The following MFSD8 variants were observed in gnomAD, a reference collection of about 807,000 sequenced individuals.
MFSD8 encodes major facilitator superfamily domain-containing protein 8.
A neutral mutation model predicts 66.4 loss-of-function variants in MFSD8; 55 were observed. The observed-to-expected ratio is 0.83, with a 90% confidence interval of 0.67 to 1.04. MFSD8 has a LOEUF of 1.04. Ranked by LOEUF, MFSD8 falls within the 50% of genes least tolerant of loss-of-function variation. MFSD8 has a pLI of 0.00. For synonymous variants in MFSD8, 202 were observed against 212.8 expected, an observed-to-expected ratio of 0.95 and a Z score of 0.44; for missense variants, 550 against 627.6, an observed-to-expected ratio of 0.88 and a Z score of 1.32.
At chr4:127,949,755 G>C (rs748792053) in intron 3 of MFSD8, 49 bp downstream of exon 3, 5 of 1,496,082 alleles carry the variant, frequency 3.3e-6, no homozygotes, top group Non-Finnish European at 3.7e-6. Flanking sequence ...CTACGTAAGA[G>C]TTACTACTAC....
chr4:127,943,725 C>T (rs530308987), intron 4 of MFSD8, 27 bp downstream of exon 4: 2 of 1,613,826 alleles, frequency 1.2e-6, no homozygotes, highest in East Asian at 2.2e-5. Flanking sequence ...GAATATGACA[C>T]AACCAAACAT....
At chr4:127,956,811 TC>T (rs1742962339) in intron 2 of MFSD8, among the ~76,000 whole-genome samples, 2 of 121,976 alleles carry the variant, frequency 1.6e-5, no homozygotes, top group African/African-American at 6.5e-5. Context: ...AGAGTGAAAC[TC>T]CGTCTCAAAA....
chr4:127,950,621 C>T (rs369729631), intron 2 of MFSD8, among the ~76,000 whole-genome samples: 2 of 151,798 alleles, frequency 1.3e-5, no homozygotes, highest in African/African-American at 2.4e-5. Flanking sequence ...ACCCAGGAGG[C>T]GGAGTAGGTT....
chr4:127,959,086 G>A (rs1743334184), intron 1 of MFSD8, among the ~76,000 whole-genome samples: 1 of 152,296 alleles, frequency 6.6e-6, no homozygotes, highest in Non-Finnish European at 1.5e-5. Context: ...GGTCATGTTT[G>A]GCATTCCCAG....
chr4:127,927,362 G>A (rs1471407684), intron 9 of MFSD8, among the ~76,000 whole-genome samples: 5 of 152,070 alleles, frequency 3.3e-5, no homozygotes, highest in African/African-American at 4.8e-5. Context: ...ATTTAGTTAC[G>A]ACGGGGTTTC....
At chr4:127,945,712 T>C (rs1740922476) in intron 3 of MFSD8, 2 of 152,158 alleles carry the variant, frequency 1.3e-5, no homozygotes, top group Admixed American at 6.6e-5. Flanking sequence ...AGTATAATGA[T>C]ACATAATATT....
intron 9 of MFSD8, among the ~76,000 whole-genome samples, chr4:127,927,789 C>T (rs1737464473): frequency 6.6e-6 from 1 of 152,048 alleles, no homozygotes; most frequent in Non-Finnish European, 1.5e-5. Context: ...TGGGTTCAAG[C>T]AATCCTCTCG....
At chr4:127,961,820 C>CAAAAAAAAAAAAAAAAAAA (rs4000711) in intron 1 of MFSD8, among the ~76,000 whole-genome samples, 1 of 80,570 alleles carries the variant, frequency 1.2e-5, no homozygotes, top group Non-Finnish European at 2.2e-5. Flanking sequence ...GACTCCGTCT[C>CAAAAAAAAAAAAAAAAAAA]AAAAAAAAAA....
chr4:127,964,323 G>A (rs1284436718), intron 1 of MFSD8, among the ~76,000 whole-genome samples: 6 of 152,240 alleles, frequency 3.9e-5, no homozygotes, highest in Non-Finnish European at 7.3e-5. Flanking sequence ...CCGCACAGGA[G>A]CCCACGGAGT....
chr4:127,928,941 T>C (rs959767570), intron 9 of MFSD8, among the ~76,000 whole-genome samples: 1 of 152,048 alleles, frequency 6.6e-6, no homozygotes, highest in Admixed American at 6.6e-5. Context: ...GTAACATAGA[T>C]GGAATTCATG....
chr4:127,925,407 C>A (rs1428925675), intron 9 of MFSD8, among the ~76,000 whole-genome samples: 4 of 151,906 alleles, frequency 2.6e-5, no homozygotes, highest in Non-Finnish European at 5.9e-5. Flanking sequence ...AAAAAAACAA[C>A]CCCATCAAAA....
intron 8 of MFSD8, among the ~76,000 whole-genome samples, chr4:127,931,086 A>G (rs1425185933): frequency 1.3e-5 from 2 of 152,180 alleles, no homozygotes; most frequent in African/African-American, 4.8e-5. Flanking sequence ...GTCTGAAACA[A>G]AGGAAAAGGA....
At chr4:127,929,899 C>G (rs1737849185) in intron 9 of MFSD8, among the ~76,000 whole-genome samples, 1 of 152,124 alleles carries the variant, frequency 6.6e-6, no homozygotes, top group Non-Finnish European at 1.5e-5. Context: ...ACGAATGTAT[C>G]AAATGATCAC....
intron 9 of MFSD8, among the ~76,000 whole-genome samples, chr4:127,925,699 G>T (rs1560724514): frequency 6.6e-6 from 1 of 152,132 alleles, no homozygotes; most frequent in Non-Finnish European, 1.5e-5. Flanking sequence ...CAAGGATCTA[G>T]AACCAGAAAT....
intron 4 of MFSD8, 103 bp downstream of exon 4, chr4:127,943,649 G>A (rs764838791): frequency 1.4e-6 from 2 of 1,399,610 alleles, no homozygotes; most frequent in Non-Finnish European, 2.0e-6. Flanking sequence ...ATGTTGAACT[G>A]TGAAATATGA....
intron 7 of MFSD8, chr4:127,933,683 T>C (rs1239763226): frequency 6.6e-6 from 1 of 152,292 alleles, no homozygotes; most frequent in Non-Finnish European, 1.5e-5. Flanking sequence ...TATATCTCAA[T>C]CCAAAAATGG....
chr4:127,965,205 G>A (rs1178565136), upstream of MFSD8: 2 of 1,587,034 alleles, frequency 1.3e-6, no homozygotes, highest in Non-Finnish European at 1.7e-6. Flanking sequence ...CGGGTGGCGT[G>A]AAGCTGGCAA....
In MFSD8 at chr4:127,942,026, A is replaced by C; in HGVS notation, c.553+19T>G. 6.4e-7 allele frequency: 1 copy of C among 1,562,966 alleles called. No homozygotes were observed. Among genetic ancestry groups the C allele is most frequent in the Non-Finnish European group, 8.8e-7 (1 of 1,133,640 alleles). On this transcript the variant is annotated intron_variant, in intron 5 of 11. Coordinates refer to ENST00000641686, the MANE Select transcript of MFSD8 (RefSeq NM_001371596.2). Reference sequence around the variant, plus strand: ...TTTCCCAATTCAAATTCAAGTAATGACATGTGAAGAACACCTACCTGGACC... The same window carrying C: ...TTTCCCAATTCAAATTCAAGTAATGCCATGTGAAGAACACCTACCTGGACC...
At chr4:127,947,650 A>G (rs1221267224) in intron 3 of MFSD8, among the ~76,000 whole-genome samples, 1 of 151,558 alleles carries the variant, frequency 6.6e-6, no homozygotes, top group Non-Finnish European at 1.5e-5. Context: ...AACCTTGAAG[A>G]GTGAATAAAA....
Sources: allele counts gnomAD v4.1 joint callset (sites outside exome capture counted in the v4.1 genomes callset), GRCh38; gene constraint gnomAD v4.1.1; transcripts MANE v1.5; gene names NCBI Gene and HGNC (gene_info 2026-07-23, HGNC 2026-07-21).